CAMK1D: variants seen among roughly 807,000 people sequenced by gnomAD.
CAMK1D encodes calcium/calmodulin dependent protein kinase ID.
A neutral mutation model predicts 47.7 loss-of-function variants in CAMK1D; 9 were observed. That is an observed-to-expected ratio of 0.19 (90% confidence interval 0.11 to 0.33). The LOEUF (loss-of-function observed/expected upper bound fraction) is 0.33. Ranked by LOEUF, CAMK1D falls within the 10% of genes least tolerant of loss-of-function variation. CAMK1D has a pLI of 1.00. For synonymous variants in CAMK1D, 184 were observed against 184.9 expected (o/e 0.99, Z 0.04); for missense variants, 291 against 488.7 (o/e 0.60, Z 3.81).
rs201388483 is a variant in CAMK1D, at chr10:12,586,453, G to GAAAA, written c.224+33115_224+33118dup. On this transcript the variant is annotated intron_variant, in intron 2 of 10. Coordinates refer to ENST00000619168, the MANE Select transcript of CAMK1D (RefSeq NM_153498.4). ...GACAGAGCAAGACTTCCTCTCAAAA[G>GAAAA]AAAAAAAAAAAAAAAAAAAAATTGA... Among the ~76,000 whole-genome samples the GAAAA allele has an allele frequency of 1.3e-4, 15 of 111,722 alleles. 1 individual carries two copies. The highest frequency in any genetic ancestry group is 1.4e-4 in the Non-Finnish European group (8 of 56,206). 73.3% of individuals were successfully genotyped at this position (111,722 alleles called of 152,430 possible). A position where few individuals can be genotyped will look rare whatever the true frequency, so the allele number is the denominator to read the frequency against.
chr10:12,722,328 C>A (rs1468978529), intron 3 of CAMK1D, among the ~76,000 whole-genome samples: 1 of 151,456 alleles, frequency 6.6e-6, no homozygotes, highest in Non-Finnish European at 1.5e-5. Context: ...TGCCTGTAGT[C>A]CCAGCTACTA....
At chr10:12,433,935 A>G (rs1392364095) in intron 1 of CAMK1D, among the ~76,000 whole-genome samples, 1 of 152,198 alleles carries the variant, frequency 6.6e-6, no homozygotes, top group African/African-American at 2.4e-5. Context: ...TGCATCTACA[A>G]GTCCCTCCTC....
At chr10:12,656,899 CAA>C (rs1426089433) in intron 2 of CAMK1D, among the ~76,000 whole-genome samples, 1 of 152,062 alleles carries the variant, frequency 6.6e-6, no homozygotes, top group Non-Finnish European at 1.5e-5. Flanking sequence ...AGATAAATAA[CAA>C]GATGACATAT....
intron 1 of CAMK1D, among the ~76,000 whole-genome samples, chr10:12,533,153 G>A (rs962907308): frequency 2.0e-5 from 3 of 152,126 alleles, no homozygotes; most frequent in Non-Finnish European, 2.9e-5. Flanking sequence ...GGATTATTAC[G>A]CATTGCATGC....
intron 3 of CAMK1D, among the ~76,000 whole-genome samples, chr10:12,714,539 T>G (rs934964075): frequency 6.6e-6 from 1 of 152,014 alleles, no homozygotes; most frequent in African/African-American, 2.4e-5. Context: ...GCCAACATGA[T>G]GAAACCCTGT....
intron 1 of CAMK1D, among the ~76,000 whole-genome samples, chr10:12,418,626 A>G (rs1271988324): frequency 6.6e-6 from 1 of 152,142 alleles, no homozygotes; most frequent in African/African-American, 2.4e-5. Flanking sequence ...AAAGTTATGT[A>G]TTGCACTCCA....
At chr10:12,797,266 A>G (rs1250436968) in intron 6 of CAMK1D, among the ~76,000 whole-genome samples, 2 of 150,032 alleles carry the variant, frequency 1.3e-5, no homozygotes, top group Non-Finnish European at 3.0e-5. Flanking sequence ...TGGTGCAATC[A>G]TAGTTCAATG....
chr10:12,416,573 G>GA (rs1238673192), intron 1 of CAMK1D, among the ~76,000 whole-genome samples: 1 of 152,212 alleles, frequency 6.6e-6, no homozygotes, highest in Non-Finnish European at 1.5e-5. Context: ...AGTCCGTGCA[G>GA]AAAAATCCCA....
At chr10:12,736,680 T>A in intron 3 of CAMK1D, among the ~76,000 whole-genome samples, 1 of 148,500 alleles carries the variant, frequency 6.7e-6, no homozygotes, top group African/African-American at 2.5e-5. Flanking sequence ...CACGATGTGC[T>A]TCCAAACTTT....
At chr10:12,810,550 C>T (rs1832561592) in intron 6 of CAMK1D, among the ~76,000 whole-genome samples, 1 of 152,204 alleles carries the variant, frequency 6.6e-6, no homozygotes, top group Non-Finnish European at 1.5e-5. Flanking sequence ...GTTGGGATTA[C>T]AGGCGTGAGC....
chr10:12,564,001 T>G (rs1367317934), intron 2 of CAMK1D, among the ~76,000 whole-genome samples: 1 of 152,196 alleles, frequency 6.6e-6, no homozygotes, highest in East Asian at 1.9e-4. Flanking sequence ...TTCCCCTTTC[T>G]TCTGTAAACT....
rs767783056 is a variant in CAMK1D, at chr10:12,825,658, C to T, written c.1007C>T (p.Ser336Leu). Residue 336 changes from serine (S) to leucine (L), a missense_variant, in exon 10 of 11, where the codon TCG (serine) becomes TTG (leucine). By Grantham distance (145) the Ser-to-Leu change is moderately radical (BLOSUM62 -2). Around this residue, in one of 2 missense-constraint regions of CAMK1D, gnomAD observed 72 missense variants for 64.4 expected, o/e 1.12. Coordinates refer to ENST00000619168, the MANE Select transcript of CAMK1D (RefSeq NM_153498.4). The part of the protein sequence containing the change: ...SSLDSSNASV[S>L]SSLSLASQKD... ...CTGGACAGTTCAAATGCAAGTGTTT[C>T]GAGCAGCCTCAGTTTGGCCAGCCAA... 4 of 1,614,216 alleles carry T rather than the reference C, an allele frequency of 2.5e-6. No homozygotes were observed. Among genetic ancestry groups the T allele is most frequent in the Non-Finnish European group, 1.7e-6 (2 of 1,180,044 alleles).
At chr10:12,409,640 C>G (rs998474046) in intron 1 of CAMK1D, among the ~76,000 whole-genome samples, 2 of 152,224 alleles carry the variant, frequency 1.3e-5, no homozygotes, top group Non-Finnish European at 2.9e-5. Flanking sequence ...TCATACAGTT[C>G]ACTTCTTTAA....
intron 1 of CAMK1D, among the ~76,000 whole-genome samples, chr10:12,515,085 A>C (rs1309040447): frequency 2.7e-5 from 4 of 149,774 alleles, no homozygotes; most frequent in Admixed American, 2.0e-4. Context: ...CTGGTCTCGA[A>C]CTCCTGACCT....
At chr10:12,695,941 G>A (rs561987253) in intron 3 of CAMK1D, among the ~76,000 whole-genome samples, 1 of 152,160 alleles carries the variant, frequency 6.6e-6, no homozygotes, top group Non-Finnish European at 1.5e-5. Context: ...AGCTGGGCCT[G>A]GTGGCGGACG....
intron 2 of CAMK1D, among the ~76,000 whole-genome samples, chr10:12,628,971 A>G (rs1342337987): frequency 6.6e-6 from 1 of 152,208 alleles, no homozygotes; most frequent in South Asian, 2.1e-4. Flanking sequence ...ACTGGATACT[A>G]GTCCATTGTC....
At chr10:12,782,865 G>A (rs1015920601) in intron 5 of CAMK1D, among the ~76,000 whole-genome samples, 1 of 152,208 alleles carries the variant, frequency 6.6e-6, no homozygotes, top group African/African-American at 2.4e-5. Context: ...GCATAGGCAA[G>A]GTAATGAATC....
intron 1 of CAMK1D, among the ~76,000 whole-genome samples, chr10:12,515,844 C>A (rs755984973): frequency 9.2e-5 from 14 of 152,024 alleles, no homozygotes; most frequent in Non-Finnish European, 1.9e-4. Flanking sequence ...CTCTCCTGAC[C>A]TTGTGATCCC....
chr10:12,503,582 T>C (rs902065432), intron 1 of CAMK1D, among the ~76,000 whole-genome samples: 4 of 152,118 alleles, frequency 2.6e-5, no homozygotes, highest in Non-Finnish European at 4.4e-5. Context: ...GGAGATCTTA[T>C]CACAGAAAAT....
Sources: allele counts gnomAD v4.1 joint callset (sites outside exome capture counted in the v4.1 genomes callset), GRCh38; gene constraint gnomAD v4.1.1; regional missense constraint gnomAD v4.1.1; transcripts MANE v1.5; gene names NCBI Gene and HGNC (gene_info 2026-07-23, HGNC 2026-07-21).